The following PHACTR1 variants were observed in gnomAD, a reference collection of about 807,000 sequenced individuals.
PHACTR1 encodes the protein phosphatase and actin regulator 1.
Under a neutral mutation model 69.2 loss-of-function variants are expected in PHACTR1, and 16 were observed. The observed-to-expected ratio is 0.23, with a 90% confidence interval of 0.16 to 0.35. The LOEUF (loss-of-function observed/expected upper bound fraction) is 0.35. PHACTR1 is among the 10% of genes least tolerant of loss of function. The pLI is 1.00. For missense variants in PHACTR1, 510 were observed against 734.7 expected (o/e 0.69, Z 3.54); for synonymous variants, 312 against 284.5 (o/e 1.10, Z -0.97).
chr6:12,721,610 T>C (rs1033220821), intron 3 of PHACTR1, among the ~76,000 whole-genome samples: 6 of 152,294 alleles, frequency 3.9e-5, no homozygotes, highest in Middle Eastern at 3.4e-3. Flanking sequence ...CATTTCACTT[T>C]AAAGATGAGA....
At chr6:12,971,643 A>G (rs545138561) in intron 4 of PHACTR1, among the ~76,000 whole-genome samples, 16 of 152,336 alleles carry the variant, frequency 1.1e-4, no homozygotes, top group South Asian at 2.1e-4. Context: ...TCACCACTCT[A>G]TTCCTTTTTA....
chr6:12,949,977 G>A (rs1791106555), intron 4 of PHACTR1, among the ~76,000 whole-genome samples: 1 of 152,230 alleles, frequency 6.6e-6, no homozygotes, highest in African/African-American at 2.4e-5. Context: ...ATCCTGGGCT[G>A]CTTAGGATTT....
chr6:12,800,592 TTTGGAAG>T (rs1561894490), intron 4 of PHACTR1, among the ~76,000 whole-genome samples: 1 of 151,790 alleles, frequency 6.6e-6, no homozygotes, highest in Non-Finnish European at 1.5e-5. Context: ...GTTAAGAAAG[TTTGGAAG>T]TTGAAGCCAG....
intron 4 of PHACTR1, among the ~76,000 whole-genome samples, chr6:12,800,704 A>G (rs1581808707): frequency 6.6e-6 from 1 of 152,084 alleles, no homozygotes; most frequent in Non-Finnish European, 1.5e-5. Context: ...TGGGCAACAT[A>G]GTGAAACCCC....
At chr6:13,253,717 G>A (rs1313884872) in intron 10 of PHACTR1, among the ~76,000 whole-genome samples, 4 of 152,178 alleles carry the variant, frequency 2.6e-5, no homozygotes, top group Non-Finnish European at 5.9e-5. Flanking sequence ...TGCCCACAGT[G>A]GTGGGCATGT....
At position 12,845,931 on chromosome 6, in the gene PHACTR1, C is replaced by A. The variant is rs1245426327; in HGVS notation, c.250+96141C>A. 3.3e-5 allele frequency among the ~76,000 whole-genome samples: 5 copies of A among 152,290 alleles called. No homozygotes were observed. In the East Asian group the frequency reaches 9.6e-4, roughly 29 times the overall value. ...ATTGTGTGCAGATTTCATGCACCTGCTGAAAGTATGCATCTCTTCCCTGCC... is the reference window on the plus strand; with the variant it reads ...ATTGTGTGCAGATTTCATGCACCTGATGAAAGTATGCATCTCTTCCCTGCC... On this transcript the variant is annotated intron_variant, in intron 4 of 14. Coordinates refer to ENST00000332995, the MANE Select transcript of PHACTR1 (RefSeq NM_030948.6).
chr6:13,283,393 A>G lies in PHACTR1; in HGVS notation c.1510-29A>G. On this transcript the variant is annotated intron_variant, in intron 12 of 14. Transcript: ENST00000332995. This position sits in a 1 kb window ranked among gnomAD's most constrained non-coding sequence, Gnocchi z 4.7. ...GTGCCATGGTCAACCCTTCTGGCTG[A>G]CTGGGTCCATCTCTCTCCCTCCCTG... 1 of 1,611,214 alleles carries G rather than the reference A, an allele frequency of 6.2e-7. No homozygotes were observed. The highest frequency in any genetic ancestry group is 8.5e-7 in the Non-Finnish European group (1 of 1,178,846).
chr6:12,850,763 C>T (rs1232071993), intron 4 of PHACTR1, among the ~76,000 whole-genome samples: 2 of 152,194 alleles, frequency 1.3e-5, no homozygotes, highest in Non-Finnish European at 2.9e-5. Context: ...TGCATCATCC[C>T]AGTTACATGG....
intron 4 of PHACTR1, among the ~76,000 whole-genome samples, chr6:12,996,530 A>T (rs958901331): frequency 6.6e-6 from 1 of 152,218 alleles, no homozygotes; most frequent in Non-Finnish European, 1.5e-5. Flanking sequence ...AAAATAAATC[A>T]CTACAATCAC....
intron 4 of PHACTR1, among the ~76,000 whole-genome samples, chr6:12,887,966 G>C (rs1034942410): frequency 6.6e-6 from 1 of 151,106 alleles, no homozygotes; most frequent in Admixed American, 6.6e-5. Flanking sequence ...CCAGCTACTC[G>C]GGAGGCTGAA....
chr6:12,865,617 C>A (rs1043184166), intron 4 of PHACTR1, among the ~76,000 whole-genome samples: 2 of 152,194 alleles, frequency 1.3e-5, no homozygotes, highest in African/African-American at 2.4e-5. Context: ...GAAGCTGTAA[C>A]AAAGCTTCAC....
chr6:13,010,323 T>C (rs1175695647), intron 4 of PHACTR1, among the ~76,000 whole-genome samples: 3 of 152,120 alleles, frequency 2.0e-5, no homozygotes, highest in Non-Finnish European at 4.4e-5. Flanking sequence ...ACACAGGGTT[T>C]CACCATGTTG....
At chr6:12,794,296 G>T (rs554240572) in intron 4 of PHACTR1, among the ~76,000 whole-genome samples, 1 of 152,374 alleles carries the variant, frequency 6.6e-6, no homozygotes, top group African/African-American at 2.4e-5. Context: ...ATACAGTGGA[G>T]TTACTGCTGA....
intron 4 of PHACTR1, among the ~76,000 whole-genome samples, chr6:12,949,556 A>C (rs1382397229): frequency 2.0e-5 from 3 of 152,200 alleles, no homozygotes; most frequent in Non-Finnish European, 4.4e-5. Flanking sequence ...ATAGACATAC[A>C]TTGGCCAAAA....
intron 4 of PHACTR1, among the ~76,000 whole-genome samples, chr6:12,950,187 G>A (rs1791125976): frequency 1.3e-5 from 2 of 152,242 alleles, no homozygotes; most frequent in Admixed American, 1.3e-4. Flanking sequence ...GAAGGGTGGG[G>A]CTGGAGCATC....
chr6:12,924,296 A>G (rs1788023263), intron 4 of PHACTR1, among the ~76,000 whole-genome samples: 2 of 152,196 alleles, frequency 1.3e-5, no homozygotes, highest in Non-Finnish European at 2.9e-5. Context: ...GTTAATTTGT[A>G]ATTATATTTA....
intron 7 of PHACTR1, among the ~76,000 whole-genome samples, chr6:13,192,768 G>T (rs1000578957): frequency 3.3e-5 from 5 of 152,198 alleles, no homozygotes; most frequent in African/African-American, 1.2e-4. Flanking sequence ...CATGAGGGCA[G>T]GGATTTAATC....
intron 4 of PHACTR1, among the ~76,000 whole-genome samples, chr6:12,965,781 G>C (rs1793407234): frequency 6.6e-6 from 1 of 152,178 alleles, no homozygotes; most frequent in Non-Finnish European, 1.5e-5. Flanking sequence ...CAATGTTTCA[G>C]TATTCACTAC....
chr6:13,228,847 C>T (rs1017441579), intron 9 of PHACTR1, among the ~76,000 whole-genome samples: 11 of 152,180 alleles, frequency 7.2e-5, no homozygotes, highest in Non-Finnish European at 1.3e-4. Flanking sequence ...GGGTTTGATG[C>T]GGGCTCTGTC....
Sources: allele counts gnomAD v4.1 joint callset (sites outside exome capture counted in the v4.1 genomes callset), GRCh38; gene constraint gnomAD v4.1.1; non-coding constraint Gnocchi (gnomAD v3.1); transcripts MANE v1.5; gene names NCBI Gene and HGNC (gene_info 2026-07-23, HGNC 2026-07-21).